The following ECSIT variants were observed in gnomAD, a reference collection of about 807,000 sequenced individuals.
ECSIT encodes the protein evolutionarily conserved signaling intermediate in Toll pathway, mitochondrial.
A neutral mutation model predicts 36.8 loss-of-function variants in ECSIT; 29 were observed. That is an observed-to-expected ratio of 0.79 (90% CI 0.59 to 1.08). The LOEUF (loss-of-function observed/expected upper bound fraction) is 1.08, where lower values mean the gene tolerates loss of function less well. Among genes scored for constraint, ECSIT ranks in the 50% least tolerant of loss-of-function variants. The pLI is 0.00. For missense variants in ECSIT, 542 were observed against 581.0 expected, an observed-to-expected ratio of 0.93 and a Z score of 0.69; for synonymous variants, 231 against 234.8, an observed-to-expected ratio of 0.98 and a Z score of 0.15.
rs540548239 is a variant in ECSIT at position 11,513,917 on chromosome 19, T to C, written c.401A>G (p.Asn134Ser). Residue 134 changes from asparagine (N) to serine (S), a missense_variant, in exon 3 of 8, where the codon AAC becomes AGC. Asn to Ser is a conservative substitution (Grantham distance 46). Coordinates refer to ENST00000270517, the MANE Select transcript of ECSIT (RefSeq NM_016581.5). The part of the protein sequence containing the change: ...RDLAVYNQLL[N>S]IFPKEVFRPR... Reference sequence around the variant, plus strand: ...CCGGAAGACCTCCTTGGGGAAGATGTTGAGCAGCTGGTTGTACACAGCCAG... The same window carrying C: ...CCGGAAGACCTCCTTGGGGAAGATGCTGAGCAGCTGGTTGTACACAGCCAG... 1 of 1,614,168 alleles carries C rather than the reference T, an allele frequency of 6.2e-7. No homozygotes were observed. The highest frequency in any genetic ancestry group is 1.3e-5 in the African/African-American group (1 of 75,040).
Position 11,508,017 on chromosome 19 carries a change from G to A in ECSIT, c.770C>T (p.Ala257Val), listed in dbSNP as rs763126543. 1.2e-6 allele frequency: 2 copies of A among 1,614,066 alleles called. No individual in the cohort carries two copies. Among genetic ancestry groups the A allele is most frequent in the African/African-American group, 2.7e-5 (2 of 74,924 alleles). The stretch of plus-strand genomic sequence containing the variant: ...TACGATGTGGGGCTGGGGGGGATCT[G>A]CTGCACCTGTTGAGTCTTTGGGCAA... ...VPLPKDSTGA[A>V]DPPQPHIVGI... The change falls in exon 5 of 8, where the codon GCA (alanine) becomes GTA (valine). Residue 257 changes from alanine to valine, a missense_variant. By Grantham distance (64) the Ala-to-Val change is moderately conservative. Coordinates refer to ENST00000270517, the MANE Select transcript of ECSIT (RefSeq NM_016581.5).
rs530201974 is a variant in ECSIT, at chr19:11,508,537, C to T, written c.739-489G>A. 2.0e-5 allele frequency among the ~76,000 whole-genome samples: 3 copies of T among 152,068 alleles called. No homozygotes were observed. In the East Asian group the frequency reaches 5.8e-4, roughly 29 times the overall value. ...AGTAGCTGGGTCTACAGGTGCACAC[C>T]ACTATGCCTGGCTAATTTTATTTTT... On this transcript the variant is annotated intron_variant, in intron 4 of 7. Transcript: ENST00000270517.
At chr19:11,524,735 C>T (rs1016660859) in intron 1 of ECSIT, among the ~76,000 whole-genome samples, 3 of 151,568 alleles carry the variant, frequency 2.0e-5, no homozygotes, top group African/African-American at 7.3e-5. Context: ...TGAGGTGGGA[C>T]GATCACTTGA....
chr19:11,508,797 G>A (rs1280112656), intron 4 of ECSIT, among the ~76,000 whole-genome samples: 2 of 152,062 alleles, frequency 1.3e-5, no homozygotes, highest in African/African-American at 4.8e-5. Flanking sequence ...CAGGTGATCC[G>A]CCTGCCTTGG....
rs550432308 is a variant in ECSIT, at chr19:11,519,455, G to A, written c.-23-262C>T. ...AGTGATCCTCCAGCCCCAGAGCGTC[G>A]AGAAGCTGGGACTACAGACGCGTGC... is the stretch of plus-strand genomic sequence containing the variant. On this transcript the variant is annotated intron_variant, in intron 1 of 7. Transcript: ENST00000270517. The surrounding 1 kb of genome is among the most constrained non-coding windows in gnomAD (Gnocchi z 4.4). Among the ~76,000 whole-genome samples the A allele has an allele frequency of 3.9e-5, 6 of 152,176 alleles. 1 individual carries two copies. The highest frequency in any genetic ancestry group is 1.2e-4 in the African/African-American group (5 of 41,532).
Position 11,506,146 on chromosome 19 carries a change from T to C in ECSIT, c.*38A>G, listed in dbSNP as rs374330625. On this transcript the variant is annotated 3_prime_UTR_variant, in exon 8 of 8. Transcript: ENST00000270517. ...CATCTCATGCCTTCAGTCCACCGCC[T>C]CCTCGGGCCACAGCCCGTGCCCTCG... 1 of 1,595,874 alleles carries C rather than the reference T, an allele frequency of 6.3e-7. No homozygotes were observed. Among genetic ancestry groups the C allele is most frequent in the Admixed American group, 1.7e-5 (1 of 59,542 alleles).
rs930177683 is a variant in ECSIT, at chr19:11,526,190, C to T, written c.-24+2872G>A. On this transcript the variant is annotated intron_variant, in intron 1 of 7. Coordinates refer to ENST00000270517, the MANE Select transcript of ECSIT (RefSeq NM_016581.5). Reference sequence around the variant, plus strand: ...ATCTTGTCCAGACTGGTCTTGAACTCCTGACCTTGTGATCCACCTGCCTTG... The same window carrying T: ...ATCTTGTCCAGACTGGTCTTGAACTTCTGACCTTGTGATCCACCTGCCTTG... Among the ~76,000 whole-genome samples, 3 of 152,122 alleles carry T rather than the reference C, an allele frequency of 2.0e-5. No individual in the cohort carries two copies. The East Asian group carries it at 5.8e-4, about 30-fold the overall frequency.
rs1971932131 is a variant in ECSIT at position 11,513,977 on chromosome 19, A to T, written c.341T>A (p.Leu114Gln). 3.3e-5 allele frequency: 54 copies of T among 1,614,248 alleles called. No individual in the cohort carries two copies. The highest frequency in any genetic ancestry group is 4.5e-5 in the Non-Finnish European group (53 of 1,180,046). The part of the protein sequence containing the change: ...RGHIDFIYLA[L>Q]RKMREYGVER... ...GACACCATACTCCCGCATCTTGCGC[A>T]GGGCCAGGTAGATGAAGTCAATGTG... Residue 114 changes from leucine (L) to glutamine (Q), a missense_variant, in exon 3 of 8, where the codon CTG (leucine) becomes CAG (glutamine). By Grantham distance (113) the Leu-to-Gln change is moderately radical. Transcript: ENST00000270517.
At chr19:11,511,191 T>C (rs1026384074) in intron 4 of ECSIT, among the ~76,000 whole-genome samples, 1 of 152,180 alleles carries the variant, frequency 6.6e-6, no homozygotes, top group African/African-American at 2.4e-5. Context: ...TGACAAGTGC[T>C]GTGAGGGGCT....
intron 7 of ECSIT, among the ~76,000 whole-genome samples, chr19:11,506,892 T>G (rs1351013781): frequency 1.3e-5 from 2 of 152,172 alleles, no homozygotes; most frequent in Non-Finnish European, 1.5e-5. Context: ...CTGCCTAGGC[T>G]GCCCACTCCA....
Position 11,507,797 on chromosome 19 carries a change from G to A in ECSIT, c.850C>T (p.Pro284Ser). ...AALARHNPAR[P>S]VFVEGPFSLW... is the part of the protein sequence containing the mutation. ...GAGAAGGGGCCCTCAACAAAGACAG[G>A]CCGGGCTGGATTGTGGCGGGCCAGG... is the stretch of plus-strand genomic sequence containing the variant. The change falls in exon 6 of 8, where the codon CCT becomes TCT. Residue 284 changes from proline to serine, a missense_variant. Transcript: ENST00000270517. The A allele has an allele frequency of 2.5e-6, 4 of 1,614,102 alleles. No homozygotes were observed. Among genetic ancestry groups the A allele is most frequent in the South Asian group, 2.2e-5 (2 of 91,086 alleles).
intron 1 of ECSIT, among the ~76,000 whole-genome samples, chr19:11,526,139 G>A (rs1167404034): frequency 7.9e-5 from 12 of 151,848 alleles, no homozygotes; most frequent in Admixed American, 7.9e-4. Flanking sequence ...TAATTTTTGC[G>A]TTCTTAGTAC....
At position 11,507,460 on chromosome 19, in the gene ECSIT, C is replaced by T; in HGVS notation, c.1048G>A (p.Glu350Lys). The T allele has an allele frequency of 6.2e-7, 1 of 1,613,788 alleles. No individual in the cohort carries two copies. The highest frequency in any genetic ancestry group is 8.5e-7 in the Non-Finnish European group (1 of 1,179,836). ...GWDNYEFDINEVEEGPVFAMC... is the reference protein window; with the variant it reads ...GWDNYEFDINKVEEGPVFAMC... ...CCGCACCTGGCCCAGTTTTTACCTT[C>T]ATTGATGTCAAACTCGTAGTTGTCC... The change falls in exon 7 of 8, where the codon GAA becomes AAA. Residue 350 changes from glutamate to lysine, a missense_variant. Transcript: ENST00000270517.
At chr19:11,510,111 G>C (rs1971840523) in intron 4 of ECSIT, among the ~76,000 whole-genome samples, 1 of 151,866 alleles carries the variant, frequency 6.6e-6, no homozygotes, top group African/African-American at 2.4e-5. Context: ...AACCTCTGGT[G>C]ATCTGCCTGC....
chr19:11,508,364 A>G (rs547943273), intron 4 of ECSIT, among the ~76,000 whole-genome samples: 46 of 140,596 alleles, frequency 3.3e-4, no homozygotes, highest in African/African-American at 1.3e-3. Flanking sequence ...AATAGGGATG[A>G]TAACAGCACT....
intron 7 of ECSIT, 45 bp downstream of exon 7, chr19:11,507,412 A>AT (rs777869199): frequency 6.6e-7 from 1 of 1,515,638 alleles, no homozygotes. Flanking sequence ...GAGGGCTGGG[A>AT]TTACGAGCAC....
Position 11,513,915 on chromosome 19 carries a change from T to C in ECSIT, c.403A>G (p.Ile135Val). Residue 135 changes from isoleucine to valine, a missense_variant, in exon 3 of 8, where the codon ATC becomes GTC. Transcript: ENST00000270517. ...DLAVYNQLLN[I>V]FPKEVFRPRN... is the part of the protein sequence containing the mutation. ...GGCCGGAAGACCTCCTTGGGGAAGA[T>C]GTTGAGCAGCTGGTTGTACACAGCC... is the stretch of plus-strand genomic sequence containing the variant. 6.2e-7 allele frequency: 1 copy of C among 1,614,088 alleles called. No individual in the cohort carries two copies. Among genetic ancestry groups the C allele is most frequent in the Non-Finnish European group, 8.5e-7 (1 of 1,180,006 alleles).
intron 4 of ECSIT, among the ~76,000 whole-genome samples, chr19:11,512,812 G>A (rs1327261433): frequency 6.6e-6 from 1 of 152,090 alleles, no homozygotes; most frequent in Non-Finnish European, 1.5e-5. Flanking sequence ...GCATAGTGGT[G>A]TGTGACTGGA....
chr19:11,506,535 T>A (rs963058354), intron 7 of ECSIT, 107 bp from the exon 8 acceptor site: 1 of 1,293,118 alleles, frequency 7.7e-7, no homozygotes, highest in Non-Finnish European at 1.0e-6. Context: ...CTTCCTTTTT[T>A]TTTTTTTTTT....
Sources: allele counts gnomAD v4.1 joint callset (sites outside exome capture counted in the v4.1 genomes callset), GRCh38; gene constraint gnomAD v4.1.1; non-coding constraint Gnocchi (gnomAD v3.1); transcripts MANE v1.5; gene names NCBI Gene and HGNC (gene_info 2026-07-23, HGNC 2026-07-21).